The following DPP10 variants were observed in gnomAD, a reference collection of about 807,000 sequenced individuals.
DPP10 encodes dipeptidyl peptidase like 10, also known as inactive dipeptidyl peptidase 10.
Under a neutral mutation model 120.9 loss-of-function variants are expected in DPP10, and 33 were observed. The ratio of observed to expected loss-of-function variants is 0.27; its 90% CI spans 0.21 to 0.37. DPP10 has a LOEUF of 0.37. DPP10 is among the 10% of genes least tolerant of loss of function. The pLI is 1.00. For synonymous variants in DPP10, 337 were observed against 326.1 expected (o/e 1.03, Z -0.36); for missense variants, 816 against 942.8 (o/e 0.87, Z 1.76).
intron 3 of DPP10, among the ~76,000 whole-genome samples, chr2:115,426,394 C>T (rs1025224453): frequency 9.4e-6 from 1 of 106,900 alleles, no homozygotes; most frequent in Non-Finnish European, 1.9e-5. Context: ...CACTCCGACG[C>T]TGGAGATGAC....
intron 1 of DPP10, among the ~76,000 whole-genome samples, chr2:114,551,394 T>G (rs1687875862): frequency 6.6e-6 from 1 of 152,230 alleles, no homozygotes; most frequent in Non-Finnish European, 1.5e-5. Flanking sequence ...AGGCTATAAT[T>G]TTTATTTCTT....
chr2:115,025,981 C>G (rs1016109192), intron 1 of DPP10, among the ~76,000 whole-genome samples: 10 of 151,968 alleles, frequency 6.6e-5, no homozygotes, highest in African/African-American at 1.9e-4. Flanking sequence ...TGGTTCTTCA[C>G]TTTGTTGATT....
chr2:114,841,551 G>C (rs557971912), intron 1 of DPP10, among the ~76,000 whole-genome samples: 8 of 152,262 alleles, frequency 5.3e-5, no homozygotes, highest in African/African-American at 1.9e-4. Flanking sequence ...GGGAGAGATT[G>C]AGTTTATATT....
chr2:115,187,017 T>A (rs1290886848), intron 1 of DPP10, among the ~76,000 whole-genome samples: 3 of 91,706 alleles, frequency 3.3e-5, no homozygotes, highest in Admixed American at 1.3e-4. Flanking sequence ...GGTGCAAAGA[T>A]TCTTTTTTTT....
At chr2:115,003,613 A>G (rs1352870542) in intron 1 of DPP10, among the ~76,000 whole-genome samples, 2 of 152,204 alleles carry the variant, frequency 1.3e-5, no homozygotes, top group Non-Finnish European at 2.9e-5. Context: ...ACATAAAGAA[A>G]TCAAGAGTTC....
intron 1 of DPP10, among the ~76,000 whole-genome samples, chr2:115,192,201 G>A (rs1258617654): frequency 6.6e-6 from 1 of 152,222 alleles, no homozygotes; most frequent in Non-Finnish European, 1.5e-5. Context: ...TTCAAGCAAT[G>A]TCTTGACTGC....
chr2:115,278,594 GGAA>G (rs2060012875), intron 1 of DPP10, among the ~76,000 whole-genome samples: 4 of 152,014 alleles, frequency 2.6e-5, no homozygotes, highest in African/African-American at 7.3e-5. Context: ...TACTTATGGT[GGAA>G]GGCAAAGGGG....
intron 3 of DPP10, among the ~76,000 whole-genome samples, chr2:115,346,297 C>A (rs574799929): frequency 8.5e-5 from 13 of 152,202 alleles, no homozygotes; most frequent in Admixed American, 1.3e-4. Flanking sequence ...CAAGTGATAT[C>A]TCAACAGGTT....
At chr2:114,826,001 A>G (rs539485856) in intron 1 of DPP10, among the ~76,000 whole-genome samples, 77 of 152,368 alleles carry the variant, frequency 5.1e-4, no homozygotes, top group Admixed American at 4.9e-3. Flanking sequence ...GGTATAAACC[A>G]CATTCCAATT....
chr2:115,503,512 T>C (rs1384878199), intron 4 of DPP10, among the ~76,000 whole-genome samples: 1 of 152,106 alleles, frequency 6.6e-6, no homozygotes, highest in Non-Finnish European at 1.5e-5. Context: ...GCACCGACAA[T>C]TGTACCTCAT....
intron 1 of DPP10, among the ~76,000 whole-genome samples, chr2:114,785,729 C>A (rs182525013): frequency 2.0e-5 from 3 of 152,220 alleles, no homozygotes; most frequent in Admixed American, 2.0e-4. Flanking sequence ...AACAGACAGT[C>A]TAAGGGGGAG....
In DPP10 at chr2:115,630,536, G is replaced by A. The variant is rs528010479; in HGVS notation, c.442-59151G>A. Among the ~76,000 whole-genome samples, 67 of 152,274 alleles carry A rather than the reference G, an allele frequency of 4.4e-4. No homozygotes were observed. The South Asian group carries it at 0.014, about 32-fold the overall frequency. ...TTGCCCTTTCAATATGATATTGGCTGTGGGTTTGTAATAAATGGCTCTTAT... is the reference window on the plus strand; with the variant it reads ...TTGCCCTTTCAATATGATATTGGCTATGGGTTTGTAATAAATGGCTCTTAT... On this transcript the variant is annotated intron_variant, in intron 5 of 25. Coordinates refer to ENST00000410059, the MANE Select transcript of DPP10 (RefSeq NM_020868.6).
intron 1 of DPP10, among the ~76,000 whole-genome samples, chr2:114,543,163 C>T (rs1380897131): frequency 6.6e-6 from 1 of 152,124 alleles, no homozygotes; most frequent in Non-Finnish European, 1.5e-5. Flanking sequence ...TCACTTGTTA[C>T]AAAGTTTTCA....
chr2:115,357,745 C>T (rs1337693702), intron 3 of DPP10, among the ~76,000 whole-genome samples: 3 of 152,200 alleles, frequency 2.0e-5, no homozygotes, highest in African/African-American at 4.8e-5. Context: ...TCCACCCCTG[C>T]AGCAAACTTC....
At chr2:115,344,960 G>A (rs1378267289) in intron 3 of DPP10, among the ~76,000 whole-genome samples, 1 of 152,058 alleles carries the variant, frequency 6.6e-6, no homozygotes, top group Non-Finnish European at 1.5e-5. Flanking sequence ...ATTTATGCTG[G>A]TGAATTAAAC....
chr2:115,048,136 G>A (rs1705202280), intron 1 of DPP10, among the ~76,000 whole-genome samples: 1 of 152,052 alleles, frequency 6.6e-6, no homozygotes, highest in African/African-American at 2.4e-5. Context: ...CAGTGCCACG[G>A]TCAACAGCGT....
intron 1 of DPP10, among the ~76,000 whole-genome samples, chr2:115,256,414 G>A (rs1247584599): frequency 2.0e-5 from 3 of 152,134 alleles, no homozygotes; most frequent in Admixed American, 2.0e-4. Flanking sequence ...AACCTTGTCA[G>A]CCACCGAGGC....
In DPP10 at chr2:115,646,502, A is replaced by G. The variant is rs529871884; in HGVS notation, c.442-43185A>G. Among the ~76,000 whole-genome samples, 4 of 152,326 alleles carry G rather than the reference A, an allele frequency of 2.6e-5. No individual in the cohort carries two copies. The South Asian group carries it at 6.2e-4, about 24-fold the overall frequency. ...CCTGCATTATTTGTGCTGAAACACC[A>G]TGTCTGTACATTGGCTGTGACATGT... On this transcript the variant is annotated intron_variant, in intron 5 of 25. Transcript: ENST00000410059.
chr2:114,936,985 G>C (rs1175919272), intron 1 of DPP10, among the ~76,000 whole-genome samples: 1 of 152,120 alleles, frequency 6.6e-6, no homozygotes, highest in East Asian at 1.9e-4. Context: ...TGTAGATTCT[G>C]GATATTAGTC....
Sources: allele counts gnomAD v4.1 joint callset (sites outside exome capture counted in the v4.1 genomes callset), GRCh38; gene constraint gnomAD v4.1.1; transcripts MANE v1.5; gene names NCBI Gene and HGNC (gene_info 2026-07-23, HGNC 2026-07-21).